Variants in DNAJB6 observed in about 807,000 individuals in gnomAD.
DNAJB6 encodes dnaJ homolog subfamily B member 6.
In DNAJB6, 16 loss-of-function variants were observed where a neutral mutation model predicts 42.7. That is an observed-to-expected ratio of 0.37 (90% CI 0.25 to 0.57). DNAJB6 has a LOEUF of 0.57. Among genes scored for constraint, DNAJB6 ranks in the 20% least tolerant of loss-of-function variants. The pLI is 0.74. For missense variants in DNAJB6, 347 were observed against 416.8 expected, an observed-to-expected ratio of 0.83 and a Z score of 1.46; for synonymous variants, 170 against 163.5, an observed-to-expected ratio of 1.04 and a Z score of -0.30.
At chr7:157,384,039 T>C (rs1308131038) in intron 6 of DNAJB6, among the ~76,000 whole-genome samples, 1 of 152,212 alleles carries the variant, frequency 6.6e-6, no homozygotes, top group Non-Finnish European at 1.5e-5. Context: ...GTATCTGCGC[T>C]TAGATGATTG....
intron 3 of DNAJB6, 40 bp from the exon 4 acceptor site, chr7:157,366,443 CTATTGAATTAAGGGTTTAA>C: frequency 7.0e-7 from 1 of 1,431,746 alleles, no homozygotes; most frequent in Non-Finnish European, 9.8e-7. Context: ...AATACCTTAT[CTATTGAATTAAGGGTTTAA>C]AAGGAACTTG....
At chr7:157,396,442 C>T (rs1041516845) in intron 8 of DNAJB6, among the ~76,000 whole-genome samples, 9 of 152,202 alleles carry the variant, frequency 5.9e-5, no homozygotes, top group Non-Finnish European at 8.8e-5. Context: ...CAGTTAGAAA[C>T]AGGGAACTAA....
chr7:157,411,691 G>GCCTGGGGGAGC (rs1476383638), intron 9 of DNAJB6: 1 of 152,186 alleles, frequency 6.6e-6, no homozygotes, highest in African/African-American at 2.4e-5. Context: ...GGTGCGGGCC[G>GCCTGGGGGAGC]CCTGGGGGAG....
intron 7 of DNAJB6, 22 bp from the exon 8 acceptor site, chr7:157,385,519 T>C (rs1321708144): frequency 1.2e-6 from 2 of 1,608,848 alleles, no homozygotes; most frequent in Non-Finnish European, 1.7e-6. Context: ...GAAAGGTTTT[T>C]AAATGAATTT....
chr7:157,367,298 GT>G (rs1198527840), intron 4 of DNAJB6, 74 bp from the exon 5 acceptor site: 1 of 983,246 alleles, frequency 1.0e-6, no homozygotes, highest in Non-Finnish European at 1.6e-6. Flanking sequence ...TTTGTATAAT[GT>G]TTTGTCAACA....
At position 157,342,151 on chromosome 7, in the gene DNAJB6, C is replaced by T. The variant is rs115348783; in HGVS notation, c.-27+5007C>T. Among the ~76,000 whole-genome samples, 1,364 of 151,402 alleles carry T rather than the reference C, an allele frequency of 9.0e-3. 18 individuals are homozygous for T. Among genetic ancestry groups the T allele is most frequent in the African/African-American group, 0.031 (1,282 of 41,310 alleles). ...GGGATTACAGGTGTGAAGCACCGAG[C>T]CTGGCCCTATTTTATTATAATAATA... On this transcript the variant is annotated intron_variant, in intron 1 of 9. Transcript: ENST00000262177.
chr7:157,366,752 A>G (rs1388143599), intron 4 of DNAJB6, among the ~76,000 whole-genome samples, 191 bp downstream of exon 4: 3 of 152,228 alleles, frequency 2.0e-5, no homozygotes, highest in Admixed American at 2.0e-4. Context: ...CTAGAAGTAT[A>G]TGTTGATGTA....
At chr7:157,409,173 T>G (rs1795878117) in intron 8 of DNAJB6, among the ~76,000 whole-genome samples, 1 of 152,234 alleles carries the variant, frequency 6.6e-6, no homozygotes. Context: ...AATGACTTTT[T>G]CTGTATTTCA....
chr7:157,357,452 C>T (rs1302852283), intron 1 of DNAJB6, among the ~76,000 whole-genome samples: 1 of 150,626 alleles, frequency 6.6e-6, no homozygotes, highest in Non-Finnish European at 1.5e-5. Flanking sequence ...GCTGGGACTA[C>T]AGGTGTGCAC....
At chr7:157,392,013 G>A (rs1057168316) in intron 8 of DNAJB6, among the ~76,000 whole-genome samples, 2 of 149,956 alleles carry the variant, frequency 1.3e-5, no homozygotes, top group Non-Finnish European at 3.0e-5. Flanking sequence ...TGAGGTGGAA[G>A]GATCACTTGA....
intron 1 of DNAJB6, among the ~76,000 whole-genome samples, chr7:157,344,975 A>G (rs1218794672): frequency 6.6e-6 from 1 of 151,956 alleles, no homozygotes; most frequent in Non-Finnish European, 1.5e-5. Context: ...TTTTAACTTT[A>G]AAGTTTTTTG....
chr7:157,365,246 A>G (rs1001598900), intron 3 of DNAJB6, among the ~76,000 whole-genome samples: 13 of 152,258 alleles, frequency 8.5e-5, no homozygotes, highest in African/African-American at 3.1e-4. Context: ...TAGCCACTGC[A>G]TCCAGCCTAT....
chr7:157,398,620 A>AG (rs543906697), intron 8 of DNAJB6, among the ~76,000 whole-genome samples: 59 of 151,740 alleles, frequency 3.9e-4, no homozygotes, highest in South Asian at 1.5e-3. Context: ...TTTTGGCTTG[A>AG]GGGGGGGGAT....
chr7:157,401,535 A>G (rs1795517893), intron 8 of DNAJB6, among the ~76,000 whole-genome samples: 1 of 152,214 alleles, frequency 6.6e-6, no homozygotes, highest in African/African-American at 2.4e-5. Flanking sequence ...TTCTTAAGGA[A>G]TGGAAAGAGC....
At chr7:157,345,245 C>G (rs1798622840) in intron 1 of DNAJB6, among the ~76,000 whole-genome samples, 1 of 152,204 alleles carries the variant, frequency 6.6e-6, no homozygotes, top group African/African-American at 2.4e-5. Flanking sequence ...CCACCCGCCT[C>G]AGCCTCCCAA....
chr7:157,377,973 C>T (rs1328524056), intron 5 of DNAJB6, among the ~76,000 whole-genome samples: 2 of 152,174 alleles, frequency 1.3e-5, no homozygotes, highest in East Asian at 1.9e-4. Context: ...GTGATGTTTA[C>T]GGTTCTCCTT....
Position 157,342,950 on chromosome 7 carries a change from GTT to G in DNAJB6, c.-27+5816_-27+5817del, listed in dbSNP as rs11352517. Among the ~76,000 whole-genome samples the G allele has an allele frequency of 1.3e-4, 20 of 148,358 alleles. 1 individual carries two copies. Among genetic ancestry groups the G allele is most frequent in the African/African-American group, 4.4e-4 (18 of 40,450 alleles). ...AAGGAATGAAAATTCACTGCTGTGG[GTT>G]TTTTTTTTTCCTACCTGTCTGTACT... is the stretch of plus-strand genomic sequence containing the variant. On this transcript the variant is annotated intron_variant, in intron 1 of 9. Coordinates refer to ENST00000262177, the MANE Select transcript of DNAJB6 (RefSeq NM_058246.4).
intron 8 of DNAJB6, among the ~76,000 whole-genome samples, chr7:157,389,792 A>G (rs1037540084): frequency 6.6e-6 from 1 of 152,228 alleles, no homozygotes; most frequent in Non-Finnish European, 1.5e-5. Flanking sequence ...AGCAGAGTTT[A>G]TGATTGGGCG....
chr7:157,353,377 C>T (rs1437823093), intron 1 of DNAJB6, among the ~76,000 whole-genome samples: 3 of 152,160 alleles, frequency 2.0e-5, no homozygotes, highest in Non-Finnish European at 2.9e-5. Flanking sequence ...CTTAATCTTT[C>T]TGTAACTGTG....
Sources: gnomAD v4.1 joint callset for allele counts (sites outside exome capture counted in the v4.1 genomes callset) on GRCh38, gnomAD v4.1.1 for gene constraint, MANE v1.5 for transcripts, NCBI Gene and HGNC (gene_info 2026-07-23, HGNC 2026-07-21) for gene names.